Variants in PLA2G12B observed in about 807,000 individuals in gnomAD.
PLA2G12B encodes group XIIB secretory phospholipase A2-like protein.
PLA2G12B carries 19 observed loss-of-function variants against 22.3 expected under a neutral mutation model. That is an observed-to-expected ratio of 0.85 (90% confidence interval 0.60 to 1.25). The LOEUF (loss-of-function observed/expected upper bound fraction) is 1.25, where lower values mean the gene tolerates loss of function less well. PLA2G12B is among the 50% of genes most tolerant of loss of function. The probability of loss-of-function intolerance (pLI) is 0.00; values close to 1 mark genes in which losing one functional copy is unlikely to be tolerated. For missense variants in PLA2G12B, 191 were observed against 246.6 expected, an observed-to-expected ratio of 0.77 and a Z score of 1.51; for synonymous variants, 81 against 94.9, an observed-to-expected ratio of 0.85 and a Z score of 0.85.
intron 3 of PLA2G12B, among the ~76,000 whole-genome samples, chr10:72,940,567 G>T (rs1846344168): frequency 6.6e-6 from 1 of 151,984 alleles, no homozygotes; most frequent in Admixed American, 6.5e-5. Flanking sequence ...AGCTACGTGG[G>T]AGGCTGAGGC....
intron 1 of PLA2G12B, among the ~76,000 whole-genome samples, chr10:72,951,890 T>G (rs1207058807): frequency 1.3e-5 from 2 of 152,194 alleles, no homozygotes; most frequent in Admixed American, 1.3e-4. Context: ...ACTTTAGATA[T>G]GAGAAGCACG....
intron 1 of PLA2G12B, among the ~76,000 whole-genome samples, chr10:72,947,565 C>T (rs1846463242): frequency 6.6e-6 from 1 of 152,116 alleles, no homozygotes; most frequent in South Asian, 2.1e-4. Context: ...AGGTGAAATT[C>T]AGATAACATA....
chr10:72,941,137 CT>C (rs1175273214), intron 3 of PLA2G12B, 31 bp downstream of exon 3: 2 of 1,603,660 alleles, frequency 1.2e-6, no homozygotes, highest in Non-Finnish European at 1.7e-6. Context: ...ACAAACCTCC[CT>C]GTGCACTGTA....
rs369878225 is a variant in PLA2G12B at position 72,954,633 on chromosome 10, A to G, written c.53T>C (p.Leu18Pro). Residue 18 changes from leucine to proline, a missense_variant, in exon 1 of 4, where the codon CTG becomes CCG. Leu to Pro is a moderately conservative substitution (Grantham distance 98). Transcript: ENST00000373032. The stretch of plus-strand genomic sequence containing the variant: ...GTCAGGGCTCGTGTCGCTCTGAGCC[A>G]GGCCACCCCCAAGGCTGAGCCACAA... ...LVLWLSLGGG[L>P]AQSDTSPDTE... The G allele has an allele frequency of 6.2e-7, 1 of 1,614,136 alleles. No homozygotes were observed. Among genetic ancestry groups the G allele is most frequent in the Non-Finnish European group, 8.5e-7 (1 of 1,180,028 alleles).
chr10:72,944,473 C>T (rs1336545651), intron 1 of PLA2G12B, among the ~76,000 whole-genome samples: 2 of 152,096 alleles, frequency 1.3e-5, no homozygotes, highest in Non-Finnish European at 2.9e-5. Flanking sequence ...GTAAATTCTA[C>T]AAGAAAAATG....
In PLA2G12B at chr10:72,954,754, AC is replaced by A; in HGVS notation, c.-70del. ...CAGTGTCCCAGAATTCCAGGGACAA[AC>A]CCCCTACCCAGATGTCAGGCAGGAC... On this transcript the variant is annotated 5_prime_UTR_variant, in exon 1 of 4. The change creates a premature stop within an existing upstream ORF in the 5' untranslated region. Transcript: ENST00000373032. 1.3e-6 allele frequency: 2 copies of A among 1,510,074 alleles called. No homozygotes were observed. Among genetic ancestry groups the A allele is most frequent in the Non-Finnish European group, 9.1e-7 (1 of 1,099,238 alleles). The allele number at this position is 1,510,074 out of a possible 1,614,324, so 93.5% of individuals were successfully genotyped here.
At chr10:72,942,230 G>T (rs1038675956) in intron 2 of PLA2G12B, among the ~76,000 whole-genome samples, 2 of 150,334 alleles carry the variant, frequency 1.3e-5, no homozygotes, top group Non-Finnish European at 3.0e-5. Context: ...AGCCAATTTG[G>T]CACTACTAAC....
chr10:72,938,369 A>G (rs922534563), intron 3 of PLA2G12B, among the ~76,000 whole-genome samples: 2 of 152,094 alleles, frequency 1.3e-5, no homozygotes, highest in African/African-American at 4.8e-5. Flanking sequence ...AAGAGAAAAA[A>G]TTTAAAAAAT....
intron 1 of PLA2G12B, among the ~76,000 whole-genome samples, chr10:72,943,894 TG>T (rs1204906867): frequency 6.6e-6 from 1 of 152,258 alleles, no homozygotes; most frequent in African/African-American, 2.4e-5. Context: ...AAGACCCTAG[TG>T]TAAGACTGGG....
At position 72,935,524 on chromosome 10, in the gene PLA2G12B, A is replaced by C; in HGVS notation, c.*93T>G. The C allele has an allele frequency of 6.5e-7, 1 of 1,538,654 alleles. No homozygotes were observed. The highest frequency in any genetic ancestry group is 1.9e-5 in the Admixed American group (1 of 53,518). On this transcript the variant is annotated 3_prime_UTR_variant, in exon 4 of 4. Transcript: ENST00000373032. ...TGCTTTGTGGTGTCCAAACTGTTGG[A>C]AGAACGAATGAGTCACGCTGACTCG...
At chr10:72,953,161 AG>A (rs1846559879) in intron 1 of PLA2G12B, among the ~76,000 whole-genome samples, 1 of 152,224 alleles carries the variant, frequency 6.6e-6, no homozygotes, top group African/African-American at 2.4e-5. Context: ...CTAACAGACC[AG>A]GCATTTTTCT....
chr10:72,940,433 G>A (rs1846341203), intron 3 of PLA2G12B, among the ~76,000 whole-genome samples: 1 of 151,792 alleles, frequency 6.6e-6, no homozygotes, highest in Admixed American at 6.6e-5. Context: ...TATCCTTGCT[G>A]GGCGCGGTGG....
At chr10:72,940,973 G>A (rs1050640167) in intron 3 of PLA2G12B, among the ~76,000 whole-genome samples, 196 bp downstream of exon 3, 9 of 152,108 alleles carry the variant, frequency 5.9e-5, no homozygotes, top group South Asian at 2.1e-4. Context: ...AGCAGCTCGC[G>A]GGCAGGACAG....
chr10:72,940,597 G>A lies in PLA2G12B; in HGVS notation c.466+572C>T, dbSNP rs886457518. On this transcript the variant is annotated intron_variant, in intron 3 of 3. Coordinates refer to ENST00000373032, the MANE Select transcript of PLA2G12B (RefSeq NM_032562.5). ...TGAGGCACAGGAATCGCTTGAACCC[G>A]GAAAGCAGAGGTTGTAGTGAGCTGA... Among the ~76,000 whole-genome samples, 10 of 151,988 alleles carry A rather than the reference G, an allele frequency of 6.6e-5. No individual in the cohort carries two copies. The East Asian group carries it at 1.3e-3, about 21-fold the overall frequency.
intron 3 of PLA2G12B, among the ~76,000 whole-genome samples, chr10:72,937,852 G>A (rs1296917707): frequency 6.6e-6 from 1 of 152,048 alleles, no homozygotes; most frequent in Non-Finnish European, 1.5e-5. Flanking sequence ...AAAAACACTT[G>A]GCCAGGTGTG....
intron 1 of PLA2G12B, among the ~76,000 whole-genome samples, chr10:72,954,074 G>A (rs1372224507): frequency 1.3e-5 from 2 of 151,960 alleles, no homozygotes; most frequent in African/African-American, 2.4e-5. Flanking sequence ...TTCATCCCTG[G>A]GAACTCCTCA....
At position 72,949,758 on chromosome 10, in the gene PLA2G12B, C is replaced by T. The variant is rs182876284; in HGVS notation, c.211+4717G>A. Among the ~76,000 whole-genome samples, 424 of 152,258 alleles carry T rather than the reference C, an allele frequency of 2.8e-3. 2 individuals carry two copies. Among genetic ancestry groups the T allele is most frequent in the African/African-American group, 9.6e-3 (401 of 41,560 alleles). On this transcript the variant is annotated intron_variant, in intron 1 of 3. Coordinates refer to ENST00000373032, the MANE Select transcript of PLA2G12B (RefSeq NM_032562.5). ...TTTAGGAGGCCCAGCAGGGGGATCA[C>T]CTGAGGTCATGAGTTCGAGACCAGC...
intron 1 of PLA2G12B, among the ~76,000 whole-genome samples, chr10:72,948,445 AT>A (rs1193597816): frequency 6.6e-6 from 1 of 152,230 alleles, no homozygotes; most frequent in African/African-American, 2.4e-5. Flanking sequence ...ACAAAAGGTA[AT>A]GGTTTCAGTC....
rs1309836490 is a variant in PLA2G12B, at chr10:72,937,301, G to A, written c.467-1563C>T. Among the ~76,000 whole-genome samples, 11 of 152,280 alleles carry A rather than the reference G, an allele frequency of 7.2e-5. No homozygotes were observed. In the East Asian group the frequency reaches 7.7e-4, roughly 11 times the overall value. On this transcript the variant is annotated intron_variant, in intron 3 of 3. Transcript: ENST00000373032. ...TAACTTGGATGGAATGGACAAATTC[G>A]TAGAAAGACGTGAACTGCTGAAACT...
Sources: allele counts gnomAD v4.1 joint callset (sites outside exome capture counted in the v4.1 genomes callset), GRCh38; gene constraint gnomAD v4.1.1; transcripts MANE v1.5; gene names NCBI Gene and HGNC (gene_info 2026-07-23, HGNC 2026-07-21).